The following ST13 variants were observed in gnomAD, a reference collection of about 807,000 sequenced individuals.
ST13 encodes ST13 Hsp70 interacting protein.
In ST13, 23 loss-of-function variants were observed where a neutral mutation model predicts 56.7. The ratio of observed to expected loss-of-function variants is 0.41; its 90% CI spans 0.29 to 0.57. The LOEUF (loss-of-function observed/expected upper bound fraction) is 0.57. ST13 is among the 20% of genes least tolerant of loss of function. The pLI is 0.36. For missense variants in ST13, 369 were observed against 459.9 expected, an observed-to-expected ratio of 0.80 and a Z score of 1.81; for synonymous variants, 132 against 142.4, an observed-to-expected ratio of 0.93 and a Z score of 0.52.
chr22:40,849,243 C>T (rs1019412076), intron 2 of ST13, among the ~76,000 whole-genome samples: 2 of 151,912 alleles, frequency 1.3e-5, no homozygotes, highest in Admixed American at 6.6e-5. Context: ...TTTGGGAGTC[C>T]GAGGTGGGTG....
rs2057751038 is a variant in ST13, at chr22:40,830,920, G to C, written c.718C>G (p.Arg240Gly). Residue 240 changes from arginine (R) to glycine (G), a missense_variant, in exon 9 of 12, where the codon CGA (arginine) becomes GGA (glycine). This residue lies in a region of ST13 where 64 missense variants were observed against 125.1 expected (regional missense o/e 0.51). Transcript: ENST00000216218. ...TTGATCTCTCGCTCTTCACGTTTTC[G>C]CTCATACTTTCTCCGATGTTCTGCA... The part of the protein sequence containing the change: ...KIAEHRRKYE[R>G]KREEREIKER... 6.2e-7 allele frequency: 1 copy of C among 1,602,226 alleles called. No individual in the cohort carries two copies. Among genetic ancestry groups the C allele is most frequent in the Non-Finnish European group, 8.5e-7 (1 of 1,179,172 alleles).
Position 40,834,544 on chromosome 22 carries a change from C to G in ST13, c.578+1016G>C, listed in dbSNP as rs868572140. On this transcript the variant is annotated intron_variant, in intron 7 of 11. Coordinates refer to ENST00000216218, the MANE Select transcript of ST13 (RefSeq NM_003932.5). ...ACTCACAATTTCAAGAATTTTTTCC[C>G]TAAATTCATGATTTTTAAAATGTTT... is the stretch of plus-strand genomic sequence containing the variant. Among the ~76,000 whole-genome samples, 3 of 152,158 alleles carry G rather than the reference C, an allele frequency of 2.0e-5. No individual in the cohort carries two copies. In the South Asian group the frequency reaches 6.2e-4, roughly 32 times the overall value.
intron 4 of ST13, among the ~76,000 whole-genome samples, chr22:40,842,349 A>C (rs965185945): frequency 1.2e-4 from 19 of 152,242 alleles, no homozygotes; most frequent in African/African-American, 4.6e-4. Flanking sequence ...AATGAGCAAG[A>C]GCCATGAAAA....
chr22:40,839,383 A>T (rs983775266), intron 5 of ST13, among the ~76,000 whole-genome samples: 1 of 152,226 alleles, frequency 6.6e-6, no homozygotes, highest in Non-Finnish European at 1.5e-5. Context: ...CACTGTTATA[A>T]AGAGTGAAAT....
intron 5 of ST13, among the ~76,000 whole-genome samples, chr22:40,837,428 C>T (rs2057783094): frequency 6.6e-6 from 1 of 152,078 alleles, no homozygotes. Flanking sequence ...CCAGCCTGAC[C>T]AACATGGAGA....
chr22:40,854,650 A>G (rs1214087700), intron 1 of ST13: 1 of 152,222 alleles, frequency 6.6e-6, no homozygotes, highest in East Asian at 1.9e-4. Flanking sequence ...CTCACTAGTA[A>G]GAATGAAACA....
intron 7 of ST13, 178 bp downstream of exon 7, chr22:40,835,377 CTTTTT>C (rs574474442): frequency 2.8e-5 from 12 of 432,818 alleles, no homozygotes; most frequent in Admixed American, 1.2e-4. Context: ...TTTTAAATTT[CTTTTT>C]TTTTTCTTTT....
In ST13 at chr22:40,824,701, T is replaced by C. The variant is rs919073390; in HGVS notation, c.*1837A>G. ...TAAGGAATCCAGAAGAAACTGTTCT[T>C]GAGTTAAGCCAAGTACACACTGGCA... On this transcript the variant is annotated 3_prime_UTR_variant, in exon 12 of 12. Transcript: ENST00000216218. 1 of 152,212 alleles carries C rather than the reference T, an allele frequency of 6.6e-6. No individual in the cohort carries two copies. The highest frequency in any genetic ancestry group is 1.5e-5 in the Non-Finnish European group (1 of 68,030). The allele number at this position is 152,212 out of a possible 1,614,324, so 9.4% of individuals were successfully genotyped here.
chr22:40,856,621 AG>A lies in ST13; in HGVS notation c.-82del. On this transcript the variant is annotated 5_prime_UTR_variant, in exon 1 of 12. Coordinates refer to ENST00000216218, the MANE Select transcript of ST13 (RefSeq NM_003932.5). ...CGCTGGCTCGGCGTGACCGCGCAGA[AG>A]GGGGCGGCTGCCGCAAGACAGAACA... is the stretch of plus-strand genomic sequence containing the variant. 8.8e-7 allele frequency: 1 copy of A among 1,131,812 alleles called. No homozygotes were observed. The highest frequency in any genetic ancestry group is 2.4e-5 in the East Asian group (1 of 42,164). 70.1% of individuals were successfully genotyped at this position (1,131,812 alleles called of 1,614,324 possible). A position where few individuals can be genotyped will look rare whatever the true frequency, so the allele number is the denominator to read the frequency against.
At chr22:40,841,284 C>T (rs1202367920) in intron 4 of ST13, among the ~76,000 whole-genome samples, 1 of 151,336 alleles carries the variant, frequency 6.6e-6, no homozygotes, top group Non-Finnish European at 1.5e-5. Flanking sequence ...TTAGGAGGCT[C>T]GCTTGAGCTC....
chr22:40,842,422 T>C (rs2145742635), intron 4 of ST13, among the ~76,000 whole-genome samples: 1 of 152,288 alleles, frequency 6.6e-6, no homozygotes, highest in Admixed American at 6.5e-5. Context: ...AAGTAAATTC[T>C]GAAAATGAGT....
At position 40,826,533 on chromosome 22, in the gene ST13, G is replaced by A; in HGVS notation, c.*5C>T. 6.3e-7 allele frequency: 1 copy of A among 1,597,490 alleles called. No homozygotes were observed. The highest frequency in any genetic ancestry group is 8.5e-7 in the Non-Finnish European group (1 of 1,179,618). Reference sequence around the variant, plus strand: ...TCAGCAAGGGCTTTATTTATCAGAAGGACATTACGCTTGACCTCCAAATTT... The same window carrying A: ...TCAGCAAGGGCTTTATTTATCAGAAAGACATTACGCTTGACCTCCAAATTT... On this transcript the variant is annotated 3_prime_UTR_variant, in exon 12 of 12. Coordinates refer to ENST00000216218, the MANE Select transcript of ST13 (RefSeq NM_003932.5).
intron 4 of ST13, among the ~76,000 whole-genome samples, chr22:40,843,844 A>G (rs186681658): frequency 6.6e-6 from 1 of 152,186 alleles, no homozygotes; most frequent in East Asian, 1.9e-4. Context: ...GCCAATAAAC[A>G]TTTAAATATG....
intron 4 of ST13, among the ~76,000 whole-genome samples, chr22:40,842,450 C>G (rs1289228960): frequency 6.6e-6 from 1 of 152,128 alleles, no homozygotes; most frequent in African/African-American, 2.4e-5. Context: ...AAAAGACTTA[C>G]AAATAACCAA....
chr22:40,845,272 A>C (rs760067482), intron 3 of ST13, among the ~76,000 whole-genome samples: 1 of 152,236 alleles, frequency 6.6e-6, no homozygotes, highest in Non-Finnish European at 1.5e-5. Context: ...TTTTTCAAAA[A>C]TATGCAGGTA....
At chr22:40,837,734 G>A (rs1400538145) in intron 5 of ST13, among the ~76,000 whole-genome samples, 2 of 152,220 alleles carry the variant, frequency 1.3e-5, no homozygotes, top group South Asian at 2.1e-4. Flanking sequence ...TGGGCTCAAA[G>A]GATCCTCCCA....
Position 40,835,883 on chromosome 22 carries a change from T to C in ST13, c.387A>G (p.Glu129=), listed in dbSNP as rs1199955238. 1 of 1,610,698 alleles carries C rather than the reference T, an allele frequency of 6.2e-7. No individual in the cohort carries two copies. Among genetic ancestry groups the C allele is most frequent in the South Asian group, 1.1e-5 (1 of 90,504 alleles). The change falls in exon 6 of 12, where the codon GAA becomes GAG. Residue 129 remains glutamate, a synonymous_variant. Coordinates refer to ENST00000216218, the MANE Select transcript of ST13 (RefSeq NM_003932.5). Reference sequence around the variant, plus strand: ...TGAATAAGTCAATGGCTTTCTGGAGTTCACCTAAAGTGAAACAAAAGTTAT... The same window carrying C: ...TGAATAAGTCAATGGCTTTCTGGAGCTCACCTAAAGTGAAACAAAAGTTAT... ...VAAIEALNDG[E]LQKAIDLFTD...
chr22:40,839,141 G>A (rs2057790873), intron 5 of ST13, among the ~76,000 whole-genome samples: 1 of 152,032 alleles, frequency 6.6e-6, no homozygotes, highest in African/African-American at 2.4e-5. Flanking sequence ...TTTTCAGGAA[G>A]GTAAACTATT....
At chr22:40,846,949 T>C (rs1411739659) in intron 3 of ST13, among the ~76,000 whole-genome samples, 3 of 151,900 alleles carry the variant, frequency 2.0e-5, no homozygotes, top group East Asian at 2.0e-4. Context: ...GAGCCGAAAC[T>C]GTGCCACCAC....
Sources: gnomAD v4.1 joint callset for allele counts (sites outside exome capture counted in the v4.1 genomes callset) on GRCh38, gnomAD v4.1.1 for gene constraint, gnomAD v4.1.1 regional missense constraint, MANE v1.5 for transcripts, NCBI Gene and HGNC (gene_info 2026-07-23, HGNC 2026-07-21) for gene names.